The following HIGD1A variants were observed in gnomAD, a reference collection of about 807,000 sequenced individuals.
HIGD1A encodes HIG1 domain family member 1A, mitochondrial.
In HIGD1A, 8 loss-of-function variants were observed where a neutral mutation model predicts 11.3. The ratio of observed to expected loss-of-function variants is 0.71; its 90% CI spans 0.42 to 1.28. The LOEUF (loss-of-function observed/expected upper bound fraction) is 1.28, where lower values mean the gene tolerates loss of function less well. Ranked by LOEUF, HIGD1A falls within the 50% of genes most tolerant of loss-of-function variation. The pLI is 0.01. For missense variants in HIGD1A, 107 were observed against 118.8 expected (o/e 0.90, Z 0.46); for synonymous variants, 32 against 38.4 (o/e 0.83, Z 0.62).
intron 1 of HIGD1A, among the ~76,000 whole-genome samples, chr3:42,800,480 G>C (rs1040565287): frequency 4.0e-5 from 6 of 151,598 alleles, no homozygotes; most frequent in Admixed American, 6.6e-5. Context: ...ATACCTCTAA[G>C]CCTTTGCACA....
intron 1 of HIGD1A, among the ~76,000 whole-genome samples, chr3:42,802,676 G>C (rs1202263442): frequency 6.6e-6 from 1 of 152,166 alleles, no homozygotes; most frequent in Admixed American, 6.5e-5. Flanking sequence ...TAACAAATCA[G>C]ATGAATAATC....
At chr3:42,793,603 C>T (rs1700455573) in intron 2 of HIGD1A, among the ~76,000 whole-genome samples, 1 of 152,200 alleles carries the variant, frequency 6.6e-6, no homozygotes, top group Admixed American at 6.5e-5. Context: ...TCTTATGAGT[C>T]TTGGCCCAAT....
intron 3 of HIGD1A, 68 bp from the exon 4 acceptor site, chr3:42,785,388 C>A: frequency 7.8e-7 from 1 of 1,278,800 alleles, no homozygotes; most frequent in South Asian, 1.2e-5. Context: ...AAAACCAGTT[C>A]ATAAAATAGC....
intron 2 of HIGD1A, among the ~76,000 whole-genome samples, chr3:42,791,485 T>C (rs1700421133): frequency 6.6e-6 from 1 of 152,108 alleles, no homozygotes; most frequent in African/African-American, 2.4e-5. Flanking sequence ...GAAAAGATGC[T>C]CAAAGAATGA....
In HIGD1A at chr3:42,794,977, A is replaced by G. The variant is rs1700476128; in HGVS notation, c.-22-702T>C. On this transcript the variant is annotated intron_variant, in intron 1 of 3. Transcript: ENST00000321331. ...CTTCATAGCCTTTTAGATTTTTTTA[A>G]TGACCTATGATTAGTTTTTTTTCTT... Among the ~76,000 whole-genome samples the G allele has an allele frequency of 1.3e-5, 2 of 152,214 alleles. 1 individual carries two copies. The highest frequency in any genetic ancestry group is 1.3e-4 in the Admixed American group (2 of 15,292).
intron 2 of HIGD1A, among the ~76,000 whole-genome samples, chr3:42,790,849 A>T (rs1205370694): frequency 6.6e-6 from 1 of 152,038 alleles, no homozygotes; most frequent in African/African-American, 2.4e-5. Flanking sequence ...TTCCCAGACT[A>T]GAGTTCAGTG....
chr3:42,783,850 T>C lies in HIGD1A; in HGVS notation c.*1421A>G, dbSNP rs1317547389. On this transcript the variant is annotated 3_prime_UTR_variant, in exon 4 of 4. Coordinates refer to ENST00000321331, the MANE Select transcript of HIGD1A (RefSeq NM_014056.4). ...TAGCACTTTGGGAGGCCGAGGCAGG[T>C]GGATAACCTGAGGTCAGGAATTCAA... is the stretch of plus-strand genomic sequence containing the variant. Among the ~76,000 whole-genome samples the C allele has an allele frequency of 6.6e-6, 1 of 151,770 alleles. No homozygotes were observed. Among genetic ancestry groups the C allele is most frequent in the Non-Finnish European group, 1.5e-5 (1 of 67,932 alleles).
At chr3:42,790,359 C>G (rs1700408540) in intron 2 of HIGD1A, among the ~76,000 whole-genome samples, 2 of 152,070 alleles carry the variant, frequency 1.3e-5, no homozygotes, top group African/African-American at 4.8e-5. Flanking sequence ...ATGGCAAAAC[C>G]CTGTCTCTAC....
chr3:42,789,660 A>C (rs1700396603), intron 2 of HIGD1A, among the ~76,000 whole-genome samples: 2 of 152,098 alleles, frequency 1.3e-5, no homozygotes, highest in South Asian at 4.1e-4. Context: ...TAGTTCAGAC[A>C]CCAAAAGCAA....
chr3:42,793,592 G>A (rs1481371522), intron 2 of HIGD1A, among the ~76,000 whole-genome samples: 1 of 152,170 alleles, frequency 6.6e-6, no homozygotes, highest in Admixed American at 6.5e-5. Flanking sequence ...GCATTTTTGA[G>A]TCTTATGAGT....
intron 2 of HIGD1A, among the ~76,000 whole-genome samples, chr3:42,787,887 T>C (rs1559675435): frequency 2.6e-5 from 4 of 151,918 alleles, no homozygotes; most frequent in Admixed American, 2.6e-4. Context: ...TTCTTTAAAA[T>C]GTCTATGAAG....
rs541123828 is a variant in HIGD1A at position 42,800,631 on chromosome 3, C to T, written c.-23+3805G>A. Among the ~76,000 whole-genome samples, 121 of 113,882 alleles carry T rather than the reference C, an allele frequency of 1.1e-3. 1 individual carries two copies. Among genetic ancestry groups the T allele is most frequent in the Non-Finnish European group, 1.9e-3 (95 of 50,744 alleles). 74.7% of individuals were successfully genotyped at this position (113,882 alleles called of 152,430 possible). A position where few individuals can be genotyped will look rare whatever the true frequency, so the allele number is the denominator to read the frequency against. ...AGTCAGAACATTATTTTAATAGTTA[C>T]AAAACTTTTTTTTTAACAGAATCAG... On this transcript the variant is annotated intron_variant, in intron 1 of 3. Transcript: ENST00000321331.
intron 2 of HIGD1A, 145 bp from the exon 3 acceptor site, chr3:42,786,307 T>C: frequency 2.0e-6 from 2 of 992,194 alleles, no homozygotes; most frequent in East Asian, 5.4e-5. Flanking sequence ...TTTTTCATGT[T>C]TTCCCCTATC....
At chr3:42,801,350 T>C (rs955995734) in intron 1 of HIGD1A, among the ~76,000 whole-genome samples, 4 of 152,208 alleles carry the variant, frequency 2.6e-5, no homozygotes, top group African/African-American at 4.8e-5. Flanking sequence ...GCTTTGGTTA[T>C]GCAGTCCCAT....
chr3:42,801,280 T>C (rs992954410), intron 1 of HIGD1A, among the ~76,000 whole-genome samples: 16 of 152,222 alleles, frequency 1.1e-4, no homozygotes, highest in Non-Finnish European at 2.1e-4. Flanking sequence ...CATACTGGAC[T>C]CAGGTTCACA....
intron 1 of HIGD1A, chr3:42,804,155 CCCG>C (rs1700605743): frequency 6.2e-7 from 1 of 1,609,228 alleles, no homozygotes; most frequent in Non-Finnish European, 8.5e-7. Context: ...GCGAGTCTTC[CCCG>C]CTCGGCAACT....
At chr3:42,802,688 A>G (rs984108019) in intron 1 of HIGD1A, among the ~76,000 whole-genome samples, 2 of 152,210 alleles carry the variant, frequency 1.3e-5, no homozygotes, top group Admixed American at 6.5e-5. Flanking sequence ...TGAATAATCC[A>G]AGCCAATAGC....
At chr3:42,799,735 C>T (rs187803055) in intron 1 of HIGD1A, among the ~76,000 whole-genome samples, 72 of 152,214 alleles carry the variant, frequency 4.7e-4, no homozygotes, top group African/African-American at 1.7e-3. Flanking sequence ...GGATTATAGA[C>T]GTGAACCATC....
intron 2 of HIGD1A, among the ~76,000 whole-genome samples, chr3:42,792,001 T>C (rs951800981): frequency 3.3e-5 from 5 of 152,152 alleles, no homozygotes; most frequent in African/African-American, 4.8e-5. Context: ...TGCATTGTTA[T>C]AAAAAGATAA....
Sources: gnomAD v4.1 joint callset for allele counts (sites outside exome capture counted in the v4.1 genomes callset) on GRCh38, gnomAD v4.1.1 for gene constraint, MANE v1.5 for transcripts, NCBI Gene and HGNC (gene_info 2026-07-23, HGNC 2026-07-21) for gene names.